Variants in C8A observed in about 807,000 individuals in gnomAD.
The protein encoded by C8A is complement C8 alpha chain.
Under a neutral mutation model 65.3 loss-of-function variants are expected in C8A, and 67 were observed. That is an observed-to-expected ratio of 1.03 (90% CI 0.84 to 1.26). The LOEUF (loss-of-function observed/expected upper bound fraction) is 1.26, where lower values mean the gene tolerates loss of function less well. C8A is among the 50% of genes most tolerant of loss of function. The probability of loss-of-function intolerance (pLI) is 0.00; values close to 1 mark genes in which losing one functional copy is unlikely to be tolerated. For synonymous variants in C8A, 290 were observed against 259.4 expected (o/e 1.12, Z -1.13); for missense variants, 781 against 723.9 (o/e 1.08, Z -0.90).
At chr1:56,855,578 T>C (rs1173427897) in intron 1 of C8A, among the ~76,000 whole-genome samples, 2 of 151,942 alleles carry the variant, frequency 1.3e-5, no homozygotes, top group African/African-American at 4.8e-5. Context: ...TGTAGTTTCA[T>C]ATGTACATTG....
chr1:56,863,641 T>C (rs1328921953), intron 1 of C8A, among the ~76,000 whole-genome samples: 1 of 152,210 alleles, frequency 6.6e-6, no homozygotes, highest in Non-Finnish European at 1.5e-5. Context: ...ATTCGCCATG[T>C]TCCCCCACTT....
At chr1:56,909,740 C>CTTTG (rs1644492021) in intron 9 of C8A, among the ~76,000 whole-genome samples, 1 of 152,156 alleles carries the variant, frequency 6.6e-6, no homozygotes, top group Admixed American at 6.5e-5. Context: ...AATGTGTGAC[C>CTTTG]TTTGACAAGT....
intron 1 of C8A, among the ~76,000 whole-genome samples, chr1:56,866,306 T>A (rs970571832): frequency 5.9e-5 from 9 of 152,228 alleles, no homozygotes; most frequent in Non-Finnish European, 1.0e-4. Context: ...GGTTTGTTAT[T>A]GTAATTTTAA....
intron 8 of C8A, 78 bp downstream of exon 8, chr1:56,906,870 T>C: frequency 1.3e-6 from 2 of 1,570,800 alleles, no homozygotes; most frequent in Admixed American, 3.4e-5. Context: ...TGGAAGCTAT[T>C]TTTTTTCCCA....
chr1:56,862,708 G>T (rs185260923), intron 1 of C8A, among the ~76,000 whole-genome samples: 1 of 152,070 alleles, frequency 6.6e-6, no homozygotes, highest in African/African-American at 2.4e-5. Flanking sequence ...GCAAACTGAA[G>T]ATTAGAAGCA....
chr1:56,890,760 A>T (rs750122334), intron 7 of C8A, among the ~76,000 whole-genome samples: 8 of 152,048 alleles, frequency 5.3e-5, no homozygotes, highest in Admixed American at 2.6e-4. Context: ...CTTTCCTCTG[A>T]TGTGTGTATA....
chr1:56,891,591 A>C (rs1052630698), intron 7 of C8A, among the ~76,000 whole-genome samples: 1 of 152,182 alleles, frequency 6.6e-6, no homozygotes, highest in Admixed American at 6.5e-5. Context: ...ACATGAAAGA[A>C]TATGATAGAT....
intron 2 of C8A, 59 bp from the exon 3 acceptor site, chr1:56,874,890 G>C: frequency 6.3e-7 from 1 of 1,597,228 alleles, no homozygotes; most frequent in Non-Finnish European, 8.6e-7. Flanking sequence ...GGCTGCACAA[G>C]TCTTGGTTGA....
intron 1 of C8A, among the ~76,000 whole-genome samples, chr1:56,865,293 A>G (rs943905327): frequency 6.6e-6 from 1 of 152,250 alleles, no homozygotes; most frequent in Non-Finnish European, 1.5e-5. Flanking sequence ...GCAAGCATTT[A>G]TTCTTCACAG....
chr1:56,916,570 C>T (rs566180732), intron 10 of C8A, among the ~76,000 whole-genome samples: 66 of 152,304 alleles, frequency 4.3e-4, no homozygotes, highest in African/African-American at 1.4e-3. Flanking sequence ...GATAGTCACA[C>T]TGTGATCTGA....
At chr1:56,861,970 T>A (rs572815045) in intron 1 of C8A, among the ~76,000 whole-genome samples, 249 of 152,340 alleles carry the variant, frequency 1.6e-3, no homozygotes, top group South Asian at 3.1e-3. Context: ...GACTTGCGCA[T>A]TGCTTATTCA....
chr1:56,855,032 GA>G (rs1643960037), intron 1 of C8A, 54 bp downstream of exon 1: 7 of 1,296,354 alleles, frequency 5.4e-6, no homozygotes, highest in Non-Finnish European at 7.8e-6. Flanking sequence ...ACCTGCTGGG[GA>G]ACTAAGACAC....
chr1:56,882,303 C>T (rs757098936), intron 5 of C8A, among the ~76,000 whole-genome samples: 2 of 152,162 alleles, frequency 1.3e-5, no homozygotes, highest in South Asian at 2.1e-4. Flanking sequence ...CAGCGAACAT[C>T]ATTGAATGCT....
intron 9 of C8A, 49 bp downstream of exon 9, chr1:56,908,162 G>C: frequency 1.3e-6 from 2 of 1,562,578 alleles, no homozygotes; most frequent in Non-Finnish European, 1.8e-6. Flanking sequence ...AGGAATGAAA[G>C]TGAAGCAGAC....
At chr1:56,866,889 G>A (rs964692472) in intron 1 of C8A, among the ~76,000 whole-genome samples, 5 of 152,176 alleles carry the variant, frequency 3.3e-5, no homozygotes, top group Non-Finnish European at 7.3e-5. Flanking sequence ...TGAGGCAGTA[G>A]CATGATGAGG....
chr1:56,888,640 C>T (rs1644319953), intron 7 of C8A, among the ~76,000 whole-genome samples: 1 of 151,692 alleles, frequency 6.6e-6, no homozygotes, highest in Admixed American at 6.6e-5. Context: ...TGTCATGATG[C>T]AAAATAAGTA....
At chr1:56,877,060 A>T (rs1302304318) in intron 4 of C8A, among the ~76,000 whole-genome samples, 1 of 152,202 alleles carries the variant, frequency 6.6e-6, no homozygotes, top group African/African-American at 2.4e-5. Flanking sequence ...GAAGACAAAG[A>T]TATACCAGCG....
At chr1:56,886,257 G>A in intron 7 of C8A, 90 bp downstream of exon 7, 1 of 1,495,572 alleles carries the variant, frequency 6.7e-7, no homozygotes, top group Non-Finnish European at 9.2e-7. Context: ...TATGAGCCAT[G>A]GGTGATCTCA....
intron 5 of C8A, among the ~76,000 whole-genome samples, chr1:56,882,490 A>T (rs1385919356): frequency 1.3e-5 from 2 of 152,168 alleles, no homozygotes; most frequent in Non-Finnish European, 2.9e-5. Context: ...CCAAACCTAG[A>T]TCTGTCTGAA....
Sources: gnomAD v4.1 joint callset for allele counts (sites outside exome capture counted in the v4.1 genomes callset) on GRCh38, gnomAD v4.1.1 for gene constraint, MANE v1.5 for transcripts, NCBI Gene and HGNC (gene_info 2026-07-23, HGNC 2026-07-21) for gene names.